Variants in F13A1 observed in about 807,000 individuals in gnomAD.
F13A1 encodes the protein FSF, A subunit.
A neutral mutation model predicts 80.1 loss-of-function variants in F13A1; 47 were observed. That is an observed-to-expected ratio of 0.59 (90% CI 0.46 to 0.75). The LOEUF is 0.75. F13A1 is among the 30% of genes least tolerant of loss of function. The pLI, the probability that F13A1 is intolerant of heterozygous loss-of-function variation, is 0.00. For missense variants in F13A1, 817 were observed against 930.4 expected, an observed-to-expected ratio of 0.88 and a Z score of 1.59; for synonymous variants, 349 against 344.9, an observed-to-expected ratio of 1.01 and a Z score of -0.13.
At position 6,223,672 on chromosome 6, in the gene F13A1, A is replaced by G. The variant is rs148373263; in HGVS notation, c.973+1014T>C. On this transcript the variant is annotated intron_variant, in intron 7 of 14. Transcript: ENST00000264870. Reference sequence around the variant, plus strand: ...ATACTATGGGAAAATAAAACAAAACAAAACTCATGACTTTTTTTTTTTAAA... The same window carrying G: ...ATACTATGGGAAAATAAAACAAAACGAAACTCATGACTTTTTTTTTTTAAA... 9.4e-3 allele frequency among the ~76,000 whole-genome samples: 1,432 copies of G among 152,282 alleles called. 23 individuals are homozygous for G. The highest frequency in any genetic ancestry group is 0.033 in the African/African-American group (1,369 of 41,540).
chr6:6,165,182 T>G (rs2151072107), intron 13 of F13A1, among the ~76,000 whole-genome samples: 1 of 152,252 alleles, frequency 6.6e-6, no homozygotes, highest in African/African-American at 2.4e-5. Flanking sequence ...TAAATAAGTT[T>G]CCTCCAGGAA....
chr6:6,212,091 A>G lies in F13A1; in HGVS notation c.1112+9942T>C, dbSNP rs1761627231. ...TGAGATCAAACAGCAAAGCAGCAGCAAGGCTGGCGGAGGGGCGCCCGCCAT... is the reference window on the plus strand; with the variant it reads ...TGAGATCAAACAGCAAAGCAGCAGCGAGGCTGGCGGAGGGGCGCCCGCCAT... On this transcript the variant is annotated intron_variant, in intron 8 of 14. Transcript: ENST00000264870. 2.6e-5 allele frequency among the ~76,000 whole-genome samples: 4 copies of G among 152,356 alleles called. No individual in the cohort carries two copies. In the South Asian group the frequency reaches 8.3e-4, roughly 32 times the overall value.
intron 2 of F13A1, among the ~76,000 whole-genome samples, chr6:6,307,883 A>G (rs1040263404): frequency 6.6e-6 from 1 of 151,988 alleles, no homozygotes; most frequent in Non-Finnish European, 1.5e-5. Context: ...TTTTCTAACC[A>G]TGGGTCCTCG....
chr6:6,157,306 TA>T (rs1374840641), intron 13 of F13A1, among the ~76,000 whole-genome samples: 1 of 152,114 alleles, frequency 6.6e-6, no homozygotes, highest in African/African-American at 2.4e-5. Context: ...AGAAGATAAA[TA>T]AAAAGCCTAC....
intron 13 of F13A1, among the ~76,000 whole-genome samples, chr6:6,159,154 G>A (rs1298670458): frequency 1.3e-5 from 2 of 152,076 alleles, no homozygotes; most frequent in Non-Finnish European, 2.9e-5. Flanking sequence ...ACCCACCTCG[G>A]CCTCCCAAAG....
chr6:6,246,107 T>C (rs1757552110), intron 6 of F13A1, among the ~76,000 whole-genome samples: 1 of 152,232 alleles, frequency 6.6e-6, no homozygotes, highest in African/African-American at 2.4e-5. Flanking sequence ...CTTTTCATAC[T>C]AATAAAGTCA....
chr6:6,158,381 G>T (rs1760513974), intron 13 of F13A1, among the ~76,000 whole-genome samples: 1 of 152,120 alleles, frequency 6.6e-6, no homozygotes, highest in Non-Finnish European at 1.5e-5. Context: ...AGTTAGTGGG[G>T]TGACTCAATG....
intron 3 of F13A1, among the ~76,000 whole-genome samples, chr6:6,304,485 C>G (rs1758482480): frequency 6.6e-6 from 1 of 152,070 alleles, no homozygotes; most frequent in Admixed American, 6.5e-5. Context: ...GTTCCATGAT[C>G]AAATTAATTT....
intron 10 of F13A1, among the ~76,000 whole-genome samples, chr6:6,194,330 C>T (rs1583065594): frequency 6.6e-6 from 1 of 152,158 alleles, no homozygotes; most frequent in Admixed American, 6.5e-5. Flanking sequence ...GCATCCTTGG[C>T]GTTCTAGTGA....
intron 2 of F13A1, among the ~76,000 whole-genome samples, chr6:6,309,930 C>T (rs917555197): frequency 2.6e-5 from 4 of 152,174 alleles, no homozygotes; most frequent in Non-Finnish European, 5.9e-5. Flanking sequence ...CTTGGCTTCC[C>T]AAGCAGCTCT....
chr6:6,182,232 T>G (rs1561645973), intron 10 of F13A1, 91 bp from the exon 11 acceptor site: 2 of 1,413,616 alleles, frequency 1.4e-6, no homozygotes, highest in East Asian at 4.6e-5. Context: ...TCTAGAGATC[T>G]CTGGAGCTGA....
rs1202888244 is a variant in F13A1 at position 6,222,187 on chromosome 6, G to A, written c.974-16C>T. The A allele has an allele frequency of 6.2e-7, 1 of 1,613,828 alleles. No homozygotes were observed. The highest frequency in any genetic ancestry group is 8.5e-7 in the Non-Finnish European group (1 of 1,179,816). The stretch of plus-strand genomic sequence containing the variant: ...CATCGTAAAACTACAGGAAAGGACA[G>A]ACCACAGCTAAACACATCACCAGCA... On this transcript the variant is annotated splice_polypyrimidine_tract_variant and intron_variant, in intron 7 of 14. Coordinates refer to ENST00000264870, the MANE Select transcript of F13A1 (RefSeq NM_000129.4).
At chr6:6,221,617 C>T (rs934056545) in intron 8 of F13A1, among the ~76,000 whole-genome samples, 1 of 152,120 alleles carries the variant, frequency 6.6e-6, no homozygotes, top group Non-Finnish European at 1.5e-5. Flanking sequence ...TGGATAAGAT[C>T]ATGCATACAC....
At chr6:6,298,569 A>G (rs951286144) in intron 3 of F13A1, among the ~76,000 whole-genome samples, 2 of 148,424 alleles carry the variant, frequency 1.3e-5, no homozygotes, top group Non-Finnish European at 2.9e-5. Context: ...TAGGATTGCA[A>G]CCCCTGCTTT....
At chr6:6,224,602 T>C (rs547231756) in intron 7 of F13A1, 84 bp downstream of exon 7, 27 of 1,295,572 alleles carry the variant, frequency 2.1e-5, no homozygotes, top group Middle Eastern at 2.6e-4. Flanking sequence ...GGGGCTGCTA[T>C]GTCTCTTTGT....
rs368426296 is a variant in F13A1, at chr6:6,311,049, T to TAAA, written c.131-5513_131-5511dup. Among the ~76,000 whole-genome samples the TAAA allele has an allele frequency of 7.0e-3, 1,063 of 151,166 alleles. 5 individuals carry two copies. Among genetic ancestry groups the TAAA allele is most frequent in the African/African-American group, 8.8e-3 (362 of 41,184 alleles). ...CAGGAAACATCTGTCTTTTTTTTTT[T>TAAA]AAAAAAAAGTATCATTGTCTCTTTG... On this transcript the variant is annotated intron_variant, in intron 2 of 14. Coordinates refer to ENST00000264870, the MANE Select transcript of F13A1 (RefSeq NM_000129.4).
At chr6:6,303,633 A>G (rs552623530) in intron 3 of F13A1, among the ~76,000 whole-genome samples, 1 of 152,204 alleles carries the variant, frequency 6.6e-6, no homozygotes, top group Non-Finnish European at 1.5e-5. Context: ...GGTCACTAAA[A>G]CTCATTCCTT....
rs540894942 is a variant in F13A1, at chr6:6,207,239, G to T, written c.1113-9913C>A. ...GCAGCCTAGAAACCAATGAAGGAGA[G>T]AAAATGAGTTTTGAACACTCCGAAA... On this transcript the variant is annotated intron_variant, in intron 8 of 14. Coordinates refer to ENST00000264870, the MANE Select transcript of F13A1 (RefSeq NM_000129.4). Among the ~76,000 whole-genome samples, 96 of 152,110 alleles carry T rather than the reference G, an allele frequency of 6.3e-4. No homozygotes were observed. In the South Asian group the frequency reaches 0.02, roughly 31 times the overall value.
chr6:6,253,648 T>C (rs1002069813), intron 4 of F13A1, among the ~76,000 whole-genome samples: 1 of 152,200 alleles, frequency 6.6e-6, no homozygotes, highest in African/African-American at 2.4e-5. Context: ...TAAGTGCTTA[T>C]TGTTGTATGC....
Sources: allele counts gnomAD v4.1 joint callset (sites outside exome capture counted in the v4.1 genomes callset), GRCh38; gene constraint gnomAD v4.1.1; transcripts MANE v1.5; gene names NCBI Gene and HGNC (gene_info 2026-07-23, HGNC 2026-07-21).